The following GDA variants were observed in gnomAD, a reference collection of about 807,000 sequenced individuals.
GDA encodes cytoplasmic PSD-95 interactor.
In GDA, 18 loss-of-function variants were observed where a neutral mutation model predicts 59.6. The observed-to-expected ratio is 0.30, with a 90% CI of 0.21 to 0.45. GDA has a LOEUF of 0.45. Ranked by LOEUF, GDA falls within the 20% of genes least tolerant of loss-of-function variation. The pLI, the probability that GDA is intolerant of heterozygous loss-of-function variation, is 1.00. For synonymous variants in GDA, 201 were observed against 201.1 expected (o/e 1.00, Z 0.00); for missense variants, 427 against 552.3 (o/e 0.77, Z 2.27).
intron 1 of GDA, among the ~76,000 whole-genome samples, chr9:72,171,964 A>G (rs1830022018): frequency 6.6e-6 from 1 of 152,212 alleles, no homozygotes; most frequent in Non-Finnish European, 1.5e-5. Context: ...CAATGCGATT[A>G]AGTAACAGGT....
chr9:72,134,073 A>G (rs1174052502), intron 1 of GDA, among the ~76,000 whole-genome samples: 2 of 152,218 alleles, frequency 1.3e-5, no homozygotes, highest in Non-Finnish European at 2.9e-5. Context: ...AGGATCATGA[A>G]TAAGTGAATT....
At chr9:72,200,288 G>A (rs1048027264) in intron 2 of GDA, among the ~76,000 whole-genome samples, 4 of 151,978 alleles carry the variant, frequency 2.6e-5, no homozygotes, top group Admixed American at 1.3e-4. Flanking sequence ...GAGCCACCGT[G>A]CCCAGCCTCC....
chr9:72,234,923 T>G (rs1445500564), intron 10 of GDA, among the ~76,000 whole-genome samples: 6 of 152,156 alleles, frequency 3.9e-5, no homozygotes, highest in Admixed American at 3.9e-4. Flanking sequence ...TCTGGCCAAA[T>G]TCTCCTTTAT....
chr9:72,224,809 C>CTT (rs34656645), intron 7 of GDA, among the ~76,000 whole-genome samples: 4 of 135,992 alleles, frequency 2.9e-5, no homozygotes, highest in South Asian at 2.4e-4. Flanking sequence ...TAGCCCAACC[C>CTT]TTTTTTTTTT....
intron 1 of GDA, among the ~76,000 whole-genome samples, chr9:72,124,883 C>T (rs1448664856): frequency 2.0e-5 from 3 of 152,206 alleles, no homozygotes; most frequent in South Asian, 2.1e-4. Flanking sequence ...GCTGAGATTA[C>T]AGGCTTGAGC....
At chr9:72,141,072 T>C (rs1419753600) in intron 1 of GDA, among the ~76,000 whole-genome samples, 4 of 152,180 alleles carry the variant, frequency 2.6e-5, no homozygotes, top group African/African-American at 9.7e-5. Context: ...TGGGGGAGAA[T>C]GAGTGATTCT....
intron 5 of GDA, among the ~76,000 whole-genome samples, chr9:72,215,159 A>G (rs2131493022): frequency 6.6e-6 from 1 of 152,342 alleles, no homozygotes; most frequent in East Asian, 1.9e-4. Flanking sequence ...AAAAATGATG[A>G]TGGAAGTGAA....
At chr9:72,172,154 G>GC (rs997928705) in intron 1 of GDA, among the ~76,000 whole-genome samples, 3 of 151,868 alleles carry the variant, frequency 2.0e-5, no homozygotes, top group African/African-American at 7.3e-5. Context: ...ACATGCCATT[G>GC]CCCCTCCCAG....
intron 1 of GDA, among the ~76,000 whole-genome samples, chr9:72,185,082 A>G (rs560728132): frequency 2.6e-5 from 4 of 152,344 alleles, no homozygotes; most frequent in Admixed American, 6.5e-5. Flanking sequence ...TTATATTGGA[A>G]TATAGCCATA....
chr9:72,254,854 G>A (rs1217042437), downstream of GDA, among the ~76,000 whole-genome samples: 1 of 152,160 alleles, frequency 6.6e-6, no homozygotes, highest in Non-Finnish European at 1.5e-5. Context: ...AATGGCCTTG[G>A]TGATTTTTGT....
intron 10 of GDA, among the ~76,000 whole-genome samples, chr9:72,239,890 C>A (rs1303813821): frequency 1.3e-5 from 2 of 152,192 alleles, no homozygotes; most frequent in East Asian, 1.9e-4. Context: ...GAGCTACAAT[C>A]TAGAATTACT....
chr9:72,202,880 A>T, intron 3 of GDA, 138 bp downstream of exon 3: 2 of 522,968 alleles, frequency 3.8e-6, no homozygotes, highest in South Asian at 3.6e-5. Context: ...TTTCTTTTTC[A>T]CAGTCCAGTG....
chr9:72,250,832 A>T lies in GDA; in HGVS notation c.*2490A>T. On this transcript the variant is annotated 3_prime_UTR_variant, in exon 14 of 14. Transcript: ENST00000358399. ...TTCCATGGTATTTTCAACGGAATAC[A>T]CTTTGAAAGGTAAAAACAATTCAAA... is the stretch of plus-strand genomic sequence containing the variant. 6.2e-7 allele frequency: 1 copy of T among 1,609,564 alleles called. No individual in the cohort carries two copies.
chr9:72,126,093 T>A (rs1825837627), intron 1 of GDA, among the ~76,000 whole-genome samples: 1 of 152,066 alleles, frequency 6.6e-6, no homozygotes, highest in Non-Finnish European at 1.5e-5. Flanking sequence ...ATTTTTTGTA[T>A]TTTTAGTACA....
chr9:72,202,141 C>T (rs1306174235), intron 2 of GDA, among the ~76,000 whole-genome samples: 1 of 152,164 alleles, frequency 6.6e-6, no homozygotes, highest in Admixed American at 6.5e-5. Flanking sequence ...CCTTTAGTTG[C>T]CCTTAGTGAC....
At chr9:72,215,576 A>G (rs936521390) in intron 5 of GDA, among the ~76,000 whole-genome samples, 20 of 152,108 alleles carry the variant, frequency 1.3e-4, no homozygotes, top group African/African-American at 4.8e-4. Flanking sequence ...ACAGGAGGGA[A>G]GATGTGGTTC....
At chr9:72,172,990 A>C (rs932260339) in intron 1 of GDA, among the ~76,000 whole-genome samples, 4 of 152,248 alleles carry the variant, frequency 2.6e-5, no homozygotes, top group African/African-American at 9.6e-5. Context: ...ACTGCAAATT[A>C]TAACACAGTG....
intron 1 of GDA, among the ~76,000 whole-genome samples, chr9:72,134,381 C>G (rs1826144005): frequency 6.8e-6 from 1 of 146,090 alleles, no homozygotes; most frequent in Non-Finnish European, 1.5e-5. Flanking sequence ...CTACTGTGCT[C>G]CAGGAAGGCC....
chr9:72,122,448 ATGTCT>A (rs780194800), intron 1 of GDA, among the ~76,000 whole-genome samples: 20 of 152,158 alleles, frequency 1.3e-4, no homozygotes, highest in Non-Finnish European at 2.1e-4. Flanking sequence ...ACTTGGCAGA[ATGTCT>A]TGCACATAGA....
Sources: gnomAD v4.1 joint callset for allele counts (sites outside exome capture counted in the v4.1 genomes callset) on GRCh38, gnomAD v4.1.1 for gene constraint, MANE v1.5 for transcripts, NCBI Gene and HGNC (gene_info 2026-07-23, HGNC 2026-07-21) for gene names.